The following LCORL variants were observed in gnomAD, a reference collection of about 807,000 sequenced individuals.
LCORL encodes ligand dependent nuclear receptor corepressor like, also known as ligand-dependent nuclear receptor corepressor-like protein.
A neutral mutation model predicts 141.8 loss-of-function variants in LCORL; 41 were observed. The ratio of observed to expected loss-of-function variants is 0.29; its 90% confidence interval spans 0.23 to 0.38. The LOEUF (loss-of-function observed/expected upper bound fraction) is 0.38, where lower values mean the gene tolerates loss of function less well. LCORL is among the 10% of genes least tolerant of loss of function. The pLI, the probability that LCORL is intolerant of heterozygous loss-of-function variation, is 1.00. For synonymous variants in LCORL, 618 were observed against 694.1 expected (o/e 0.89, Z 1.72); for missense variants, 1,759 against 2,035.0 (o/e 0.86, Z 2.61).
rs1448245078 is a variant in LCORL at position 17,969,008 on chromosome 4, T to G, written c.220+3812A>C. Among the ~76,000 whole-genome samples the G allele has an allele frequency of 2.6e-5, 4 of 152,230 alleles. No homozygotes were observed. The East Asian group carries it at 7.7e-4, about 29-fold the overall frequency. ...ATTGAGGTTCATGCCACATACAATCTATTCATATTTTTGTAAATATACACA... is the reference window on the plus strand; with the variant it reads ...ATTGAGGTTCATGCCACATACAATCGATTCATATTTTTGTAAATATACACA... On this transcript the variant is annotated intron_variant, in intron 2 of 7. Coordinates refer to ENST00000635767, the Ensembl canonical transcript of LCORL.
exon 7 of LCORL, chr4:17,874,085 T>C: frequency 3.2e-6 from 4 of 1,231,502 alleles, no homozygotes; most frequent in Non-Finnish European, 4.1e-6. Context: ...TATTTAAAAA[T>C]TGGTTCTGGC....
At chr4:17,939,506 C>T (rs1737476502) in intron 4 of LCORL, among the ~76,000 whole-genome samples, 1 of 152,040 alleles carries the variant, frequency 6.6e-6, no homozygotes. Flanking sequence ...AAAAAAGAGA[C>T]TTACACAAGA....
At chr4:17,986,383 A>G (rs1279556599) in intron 1 of LCORL, among the ~76,000 whole-genome samples, 1 of 152,180 alleles carries the variant, frequency 6.6e-6, no homozygotes, top group Non-Finnish European at 1.5e-5. Context: ...TGTCCCTTCT[A>G]GGGATGCCAG....
intron 6 of LCORL, chr4:17,882,324 C>T (rs1383668427): frequency 3.0e-6 from 3 of 984,408 alleles, no homozygotes; most frequent in Non-Finnish European, 3.6e-6. Context: ...AAAGGGGGCA[C>T]TCAGAGAATT....
intron 5 of LCORL, among the ~76,000 whole-genome samples, chr4:17,903,861 G>A (rs1266877855): frequency 2.0e-5 from 3 of 151,970 alleles, no homozygotes; most frequent in Non-Finnish European, 2.9e-5. Context: ...ACAGACATTT[G>A]AAGAAACCTA....
chr4:17,987,611 A>C (rs1427102536), intron 1 of LCORL, among the ~76,000 whole-genome samples: 2 of 152,220 alleles, frequency 1.3e-5, no homozygotes, highest in East Asian at 3.9e-4. Flanking sequence ...CATTAAAAAA[A>C]ACTGACAAAC....
intron 5 of LCORL, among the ~76,000 whole-genome samples, chr4:17,898,872 G>A (rs1324881225): frequency 6.6e-6 from 1 of 152,112 alleles, no homozygotes; most frequent in Non-Finnish European, 1.5e-5. Flanking sequence ...AAGGACAAAC[G>A]CTTATAAAAT....
exon 8 of LCORL, chr4:17,842,254 T>G: frequency 6.6e-7 from 1 of 1,509,706 alleles, no homozygotes; most frequent in Non-Finnish European, 9.2e-7. Context: ...GAAACTAGAT[T>G]AAAAACAAAA....
chr4:17,874,028 G>A lies in LCORL; in HGVS notation c.4962C>T (p.Ser1654=), dbSNP rs1026605205. Residue 1654 remains serine, a synonymous_variant, in exon 7 of 8, where the codon AGC becomes AGT. Coordinates refer to ENST00000635767, the Ensembl canonical transcript of LCORL. ...GCAAAACACACTGATTATCTACTAT[G>A]CTTTTTCCTTGGAGTGGGATGTCAG... 5.7e-6 allele frequency: 7 copies of A among 1,234,004 alleles called. No individual in the cohort carries two copies. In the Admixed American group the frequency reaches 3.0e-4, roughly 52 times the overall value. 76.4% of individuals were successfully genotyped at this position (1,234,004 alleles called of 1,614,324 possible). A position where few individuals can be genotyped will look rare whatever the true frequency, so the allele number is the denominator to read the frequency against.
chr4:17,932,302 G>GT (rs879355690), intron 4 of LCORL, among the ~76,000 whole-genome samples: 1 of 152,026 alleles, frequency 6.6e-6, no homozygotes, highest in Non-Finnish European at 1.5e-5. Flanking sequence ...ACAGATTTAA[G>GT]TTTTATTTTT....
chr4:17,857,373 A>G (rs1030359677), intron 7 of LCORL, among the ~76,000 whole-genome samples: 2 of 152,242 alleles, frequency 1.3e-5, no homozygotes, highest in Non-Finnish European at 2.9e-5. Flanking sequence ...GTCTGTGAAA[A>G]GAATCAATGA....
intron 4 of LCORL, among the ~76,000 whole-genome samples, chr4:17,917,480 A>C (rs953651729): frequency 2.0e-5 from 3 of 152,272 alleles, no homozygotes; most frequent in Admixed American, 1.3e-4. Flanking sequence ...GGCATGAGCC[A>C]CTGCGCCAGC....
chr4:17,994,462 G>A (rs1720566785), intron 1 of LCORL, among the ~76,000 whole-genome samples: 1 of 151,994 alleles, frequency 6.6e-6, no homozygotes, highest in African/African-American at 2.4e-5. Context: ...AAACATGTCT[G>A]GATGACTCCT....
intron 1 of LCORL, among the ~76,000 whole-genome samples, chr4:18,009,756 C>G (rs559225938): frequency 6.6e-6 from 1 of 152,092 alleles, no homozygotes; most frequent in Non-Finnish European, 1.5e-5. Flanking sequence ...TTCACAGATA[C>G]CATATCACCC....
chr4:17,903,556 T>C (rs759323946), intron 5 of LCORL, among the ~76,000 whole-genome samples: 21 of 152,076 alleles, frequency 1.4e-4, no homozygotes, highest in Admixed American at 4.6e-4. Flanking sequence ...CTCAATGTAC[T>C]AGGACAAAAA....
At chr4:17,938,508 C>A (rs1363948387) in intron 4 of LCORL, among the ~76,000 whole-genome samples, 1 of 150,978 alleles carries the variant, frequency 6.6e-6, no homozygotes, top group Non-Finnish European at 1.5e-5. Context: ...CCTCTGCCTC[C>A]CAGGTTCAAG....
chr4:17,843,577 C>T (rs905605863), exon 8 of LCORL: 1 of 717,092 alleles, frequency 1.4e-6, no homozygotes. Context: ...TGTATTAAAG[C>T]AGTAGAGCAG....
chr4:17,912,437 T>G, intron 4 of LCORL: 1 of 591,318 alleles, frequency 1.7e-6, no homozygotes, highest in South Asian at 1.4e-5. Context: ...CTTGCCAAGA[T>G]CATGGCAGAC....
intron 5 of LCORL, among the ~76,000 whole-genome samples, chr4:17,904,798 T>G (rs1577376865): frequency 6.6e-6 from 1 of 152,102 alleles, no homozygotes; most frequent in East Asian, 1.9e-4. Context: ...TTAATGCTGC[T>G]ACGTTTAGCA....
Sources: gnomAD v4.1 joint callset for allele counts (sites outside exome capture counted in the v4.1 genomes callset) on GRCh38, gnomAD v4.1.1 for gene constraint, MANE v1.5 for transcripts, NCBI Gene and HGNC (gene_info 2026-07-23, HGNC 2026-07-21) for gene names.